NPAS2: variants seen among roughly 807,000 people sequenced by gnomAD.
NPAS2 encodes neuronal PAS domain protein 2, also known as neuronal PAS domain-containing protein 2.
NPAS2 carries 23 observed loss-of-function variants against 107.5 expected under a neutral mutation model. The observed-to-expected ratio is 0.21, with a 90% confidence interval of 0.15 to 0.30. The LOEUF is 0.30. Among genes scored for constraint, NPAS2 ranks in the 10% least tolerant of loss-of-function variants. The pLI, the probability that NPAS2 is intolerant of heterozygous loss-of-function variation, is 1.00. For synonymous variants in NPAS2, 403 were observed against 417.5 expected (o/e 0.97, Z 0.42); for missense variants, 756 against 1,043.3 (o/e 0.72, Z 3.79).
At chr2:100,977,897 C>A in intron 15 of NPAS2, 98 bp downstream of exon 15, 1 of 1,026,754 alleles carries the variant, frequency 9.7e-7, no homozygotes. Flanking sequence ...AACCAAGGCC[C>A]TGACGTGGGG....
rs1433524668 is a variant in NPAS2 at position 100,989,042 on chromosome 2, C to T, written c.1827+766C>T. The T allele has an allele frequency of 9.8e-5, 20 of 203,570 alleles. 1 individual carries two copies. The Admixed American group carries it at 1.2e-3, about 12-fold the overall frequency. 12.6% of individuals were successfully genotyped at this position (203,570 alleles called of 1,614,324 possible). On this transcript the variant is annotated intron_variant, in intron 17 of 20. Transcript: ENST00000335681. ...CAGACTCTTTGCCAAACCCTTGTAG[C>T]CATTTCCACCTATTCCAAGCCACCA...
At chr2:100,964,266 T>A (rs1286781440) in intron 8 of NPAS2, 90 bp downstream of exon 8, 17 of 900,510 alleles carry the variant, frequency 1.9e-5, no homozygotes, top group South Asian at 9.9e-5. Context: ...TGGGAGGGAA[T>A]AAATTGCAGT....
At chr2:100,859,493 A>C (rs1041291126) in intron 1 of NPAS2, among the ~76,000 whole-genome samples, 1 of 152,200 alleles carries the variant, frequency 6.6e-6, no homozygotes, top group African/African-American at 2.4e-5. Context: ...TCACCTTGTG[A>C]TGGGGAGTTC....
intron 1 of NPAS2, among the ~76,000 whole-genome samples, chr2:100,830,878 C>T (rs1023874818): frequency 3.9e-5 from 6 of 152,294 alleles, no homozygotes; most frequent in Admixed American, 3.3e-4. Context: ...TGATCACTGC[C>T]TGTTGACAAA....
intron 4 of NPAS2, chr2:100,934,907 C>T: frequency 1.0e-6 from 1 of 985,324 alleles, no homozygotes; most frequent in Non-Finnish European, 1.2e-6. Flanking sequence ...TCTTAGTGGC[C>T]AGGATGTTCC....
In NPAS2 at chr2:100,995,793, G is replaced by A. The variant is rs754117920; in HGVS notation, c.*211G>A. On this transcript the variant is annotated 3_prime_UTR_variant, in exon 21 of 21. Transcript: ENST00000335681. ...TACTGACCGTGTTTCTCTTGCCTCCGAGGTTCTTGGGCACACTCTATAGCC... is the reference window on the plus strand; with the variant it reads ...TACTGACCGTGTTTCTCTTGCCTCCAAGGTTCTTGGGCACACTCTATAGCC... The A allele has an allele frequency of 1.3e-4, 198 of 1,547,080 alleles. No homozygotes were observed. The highest frequency in any genetic ancestry group is 1.7e-4 in the Non-Finnish European group (189 of 1,145,352).
intron 1 of NPAS2, among the ~76,000 whole-genome samples, chr2:100,853,469 C>T (rs1678347145): frequency 1.3e-5 from 2 of 152,296 alleles, no homozygotes; most frequent in Admixed American, 6.5e-5. Context: ...TTTGCTGTCA[C>T]GCTGGGAATA....
At chr2:100,829,183 G>GTT (rs1423251674) in intron 1 of NPAS2, among the ~76,000 whole-genome samples, 1 of 121,172 alleles carries the variant, frequency 8.3e-6, no homozygotes, top group African/African-American at 4.4e-5. Context: ...TGTGTGTTTT[G>GTT]TTGTTTTTTT....
chr2:100,927,117 G>A (rs1460428384), intron 3 of NPAS2, among the ~76,000 whole-genome samples: 5 of 151,656 alleles, frequency 3.3e-5, no homozygotes, highest in Non-Finnish European at 7.4e-5. Context: ...TCTATTTTTA[G>A]TAGAGAAGGG....
intron 7 of NPAS2, among the ~76,000 whole-genome samples, chr2:100,957,356 A>G (rs1409674195): frequency 3.9e-5 from 6 of 152,242 alleles, no homozygotes; most frequent in Non-Finnish European, 8.8e-5. Context: ...CAGCACTGGC[A>G]TGGACCACTG....
Position 100,822,206 on chromosome 2 carries a change from T to C in NPAS2, c.-23+1792T>C, listed in dbSNP as rs543821462. On this transcript the variant is annotated intron_variant, in intron 1 of 20. Coordinates refer to ENST00000335681, the MANE Select transcript of NPAS2 (RefSeq NM_002518.4). ...AATACGTTCTAGAGGAAATATGTTATTAATAAAACGTTACCCCCAAAGAGT... is the reference window on the plus strand; with the variant it reads ...AATACGTTCTAGAGGAAATATGTTACTAATAAAACGTTACCCCCAAAGAGT... Among the ~76,000 whole-genome samples, 5 of 152,334 alleles carry C rather than the reference T, an allele frequency of 3.3e-5. No individual in the cohort carries two copies. In the South Asian group the frequency reaches 1.0e-3, roughly 32 times the overall value.
In NPAS2 at chr2:100,948,068, A is replaced by T. The variant is rs370764797; in HGVS notation, c.364-167A>T. Reference sequence around the variant, plus strand: ...AACAAATACAGCCCTTTAGGTTACTATTTAAAACAATGGAGTGATAAACTG... The same window carrying T: ...AACAAATACAGCCCTTTAGGTTACTTTTTAAAACAATGGAGTGATAAACTG... On this transcript the variant is annotated intron_variant, in intron 5 of 20. Transcript: ENST00000335681. Among the ~76,000 whole-genome samples the T allele has an allele frequency of 1.1e-3, 171 of 152,370 alleles. 1 individual carries two copies. The highest frequency in any genetic ancestry group is 3.7e-3 in the African/African-American group (155 of 41,590).
intron 19 of NPAS2, 68 bp downstream of exon 19, chr2:100,990,940 C>T: frequency 1.5e-6 from 2 of 1,319,052 alleles, no homozygotes; most frequent in Non-Finnish European, 2.2e-6. Context: ...GCCAGACTCA[C>T]CCGCCTGGGC....
chr2:100,955,862 C>T (rs889565169), intron 7 of NPAS2, among the ~76,000 whole-genome samples: 4 of 152,122 alleles, frequency 2.6e-5, no homozygotes, highest in African/African-American at 9.7e-5. Flanking sequence ...CCCCATGCTC[C>T]TGACACCCTC....
chr2:100,928,174 C>T (rs1683702140), intron 3 of NPAS2, among the ~76,000 whole-genome samples: 1 of 151,500 alleles, frequency 6.6e-6, no homozygotes, highest in African/African-American at 2.4e-5. Context: ...CAAAGCTGCC[C>T]AGGAGAGAGT....
intron 1 of NPAS2, among the ~76,000 whole-genome samples, chr2:100,849,205 C>G (rs1157284787): frequency 1.3e-5 from 2 of 152,220 alleles, no homozygotes; most frequent in Non-Finnish European, 2.9e-5. Flanking sequence ...AAAGTCAGCT[C>G]TCTCTTCTCT....
chr2:100,996,064 T>G lies in NPAS2; in HGVS notation c.*482T>G. On this transcript the variant is annotated 3_prime_UTR_variant, in exon 21 of 21. Coordinates refer to ENST00000335681, the MANE Select transcript of NPAS2 (RefSeq NM_002518.4). ...TTTTCATTATTTTTAAATGGTTGTT[T>G]TTGTTTTAATTTGCACAGCTACACA... 3.4e-6 allele frequency: 3 copies of G among 871,976 alleles called. No homozygotes were observed. The highest frequency in any genetic ancestry group is 4.6e-6 in the Non-Finnish European group (3 of 658,076). The allele number at this position is 871,976 out of a possible 1,614,324, so 54.0% of individuals were successfully genotyped here. A position where few individuals can be genotyped will look rare whatever the true frequency, so the allele number is the denominator to read the frequency against.
At position 100,915,815 on chromosome 2, in the gene NPAS2, G is replaced by C. The variant is rs151293885; in HGVS notation, c.33-9331G>C. On this transcript the variant is annotated intron_variant, in intron 2 of 20. Coordinates refer to ENST00000335681, the MANE Select transcript of NPAS2 (RefSeq NM_002518.4). ...GGAAGTTTTTCAGCAGAAAGGAAAT[G>C]ACACTAGATAGAAACTTGGAATAGG... is the stretch of plus-strand genomic sequence containing the variant. Among the ~76,000 whole-genome samples, 509 of 152,166 alleles carry C rather than the reference G, an allele frequency of 3.3e-3. 2 individuals are homozygous for C. The highest frequency in any genetic ancestry group is 0.012 in the African/African-American group (481 of 41,518).
chr2:100,974,399 G>C (rs1292478960), intron 12 of NPAS2, among the ~76,000 whole-genome samples: 1 of 152,136 alleles, frequency 6.6e-6, no homozygotes, highest in Non-Finnish European at 1.5e-5. Context: ...GACCCAGGAA[G>C]GTCCAAAGGC....
Sources: allele counts gnomAD v4.1 joint callset (sites outside exome capture counted in the v4.1 genomes callset), GRCh38; gene constraint gnomAD v4.1.1; transcripts MANE v1.5; gene names NCBI Gene and HGNC (gene_info 2026-07-23, HGNC 2026-07-21).